Variants in ICA1 observed in about 807,000 individuals in gnomAD.
The protein encoded by ICA1 is 69 kDa islet cell autoantigen.
Under a neutral mutation model 71.0 loss-of-function variants are expected in ICA1, and 40 were observed. The observed-to-expected ratio is 0.56, with a 90% CI of 0.44 to 0.73. The LOEUF is 0.73. ICA1 is among the 30% of genes least tolerant of loss of function. The pLI is 0.00. For missense variants in ICA1, 578 were observed against 576.5 expected (o/e 1.00, Z -0.03); for synonymous variants, 207 against 209.5 (o/e 0.99, Z 0.10).
intron 8 of ICA1, among the ~76,000 whole-genome samples, chr7:8,150,649 A>G (rs188438687): frequency 2.8e-4 from 43 of 152,360 alleles, no homozygotes; most frequent in Middle Eastern, 6.8e-3. Flanking sequence ...CTTCAATATG[A>G]GGCGTTTGGG....
At chr7:8,117,693 C>T (rs903980946) in intron 13 of ICA1, among the ~76,000 whole-genome samples, 6 of 152,158 alleles carry the variant, frequency 3.9e-5, no homozygotes, top group African/African-American at 4.8e-5. Context: ...TATTGGCATA[C>T]TCTCGTCACA....
chr7:8,171,907 G>A (rs1341905936), intron 6 of ICA1, among the ~76,000 whole-genome samples: 1 of 151,836 alleles, frequency 6.6e-6, no homozygotes, highest in East Asian at 1.9e-4. Flanking sequence ...AATTATTCAG[G>A]GGATATTACA....
intron 5 of ICA1, 119 bp downstream of exon 5, chr7:8,221,156 G>T: frequency 8.5e-7 from 1 of 1,172,272 alleles, no homozygotes; most frequent in Non-Finnish European, 1.2e-6. Context: ...GTACAGAGCA[G>T]CTCCTCAGCC....
intron 13 of ICA1, among the ~76,000 whole-genome samples, chr7:8,117,282 C>T (rs1017885085): frequency 6.6e-6 from 1 of 152,086 alleles, no homozygotes; most frequent in African/African-American, 2.4e-5. Context: ...AGTGTGAAAA[C>T]GGCCTAATAC....
intron 6 of ICA1, among the ~76,000 whole-genome samples, chr7:8,208,113 T>C (rs17145039): frequency 0.029 from 4,484 of 152,322 alleles, 226 homozygotes; most frequent in African/African-American, 0.1. Flanking sequence ...AAGTTTTTCC[T>C]AAAGCAATTG....
chr7:8,219,490 C>A (rs1211805961), intron 5 of ICA1, among the ~76,000 whole-genome samples: 3 of 152,208 alleles, frequency 2.0e-5, no homozygotes, highest in Non-Finnish European at 4.4e-5. Flanking sequence ...ACAAATGGTG[C>A]AATGAACTAT....
In ICA1 at chr7:8,221,272, C is replaced by A. The variant is rs374549884; in HGVS notation, c.380+3G>T. On this transcript the variant is annotated splice_donor_region_variant and intron_variant, in intron 5 of 13. Coordinates refer to ENST00000402384, the MANE Select transcript of ICA1 (RefSeq NM_001136020.3). ...AGATAGAACCCCACTAAAGGCCACACACCTTTGCTGGGAAGAAAAGCAGAG... is the reference window on the plus strand; with the variant it reads ...AGATAGAACCCCACTAAAGGCCACAAACCTTTGCTGGGAAGAAAAGCAGAG... 6.2e-7 allele frequency: 1 copy of A among 1,613,470 alleles called. No individual in the cohort carries two copies. The highest frequency in any genetic ancestry group is 1.1e-5 in the South Asian group (1 of 91,068).
intron 1 of ICA1, among the ~76,000 whole-genome samples, chr7:8,250,197 G>A (rs1296229724): frequency 1.3e-5 from 2 of 152,160 alleles, no homozygotes; most frequent in Non-Finnish European, 1.5e-5. Flanking sequence ...GTTTGTCTCT[G>A]TCACTTCCTC....
At chr7:8,194,930 C>T (rs896030552) in intron 6 of ICA1, among the ~76,000 whole-genome samples, 3 of 151,930 alleles carry the variant, frequency 2.0e-5, no homozygotes, top group Non-Finnish European at 2.9e-5. Flanking sequence ...AATAATAAAG[C>T]ATTAAAAATT....
At chr7:8,119,871 C>G (rs187570251) in intron 13 of ICA1, among the ~76,000 whole-genome samples, 1 of 152,056 alleles carries the variant, frequency 6.6e-6, no homozygotes. Context: ...ATAAGAGGAC[C>G]CAGGAATACA....
intron 6 of ICA1, among the ~76,000 whole-genome samples, chr7:8,213,254 AG>A (rs1325009349): frequency 1.3e-5 from 2 of 152,258 alleles, no homozygotes; most frequent in African/African-American, 4.8e-5. Context: ...TAGAATTAGC[AG>A]AGGAAGAGCA....
chr7:8,261,065 G>A (rs977176428), intron 1 of ICA1, among the ~76,000 whole-genome samples: 20 of 152,290 alleles, frequency 1.3e-4, no homozygotes, highest in African/African-American at 4.8e-4. Context: ...GCAAGCTGGT[G>A]ACATATTTTC....
At chr7:8,245,524 G>A (rs564681226) in intron 1 of ICA1, among the ~76,000 whole-genome samples, 8 of 151,862 alleles carry the variant, frequency 5.3e-5, no homozygotes, top group East Asian at 1.9e-4. Context: ...GAGCCTGCAC[G>A]TTGTGCTCAT....
chr7:8,168,750 G>C (rs551321346), intron 6 of ICA1, among the ~76,000 whole-genome samples: 1 of 152,280 alleles, frequency 6.6e-6, no homozygotes, highest in South Asian at 2.1e-4. Context: ...ACTGTGGTCA[G>C]TGGATTCCCT....
chr7:8,211,696 T>C (rs1473749166), intron 6 of ICA1, among the ~76,000 whole-genome samples: 1 of 152,210 alleles, frequency 6.6e-6, no homozygotes, highest in East Asian at 1.9e-4. Context: ...ATGTGTTTCT[T>C]TTTACCACAA....
chr7:8,146,718 C>T (rs1269579692), intron 8 of ICA1, among the ~76,000 whole-genome samples: 17 of 145,076 alleles, frequency 1.2e-4, no homozygotes, highest in African/African-American at 4.2e-4. Context: ...AAGTCAGGCA[C>T]GTGTGTGCGT....
intron 6 of ICA1, among the ~76,000 whole-genome samples, chr7:8,179,001 C>T (rs535386116): frequency 1.6e-4 from 24 of 152,292 alleles, no homozygotes; most frequent in African/African-American, 5.8e-4. Context: ...ACAATGGAAT[C>T]TGAGCAGAAG....
intron 1 of ICA1, among the ~76,000 whole-genome samples, chr7:8,238,276 C>T (rs1415880126): frequency 1.3e-5 from 2 of 152,156 alleles, no homozygotes; most frequent in Non-Finnish European, 2.9e-5. Context: ...TGCAAGGGTC[C>T]CACTTTCTCC....
intron 6 of ICA1, among the ~76,000 whole-genome samples, chr7:8,190,508 T>A (rs1055260886): frequency 2.0e-5 from 3 of 152,254 alleles, no homozygotes; most frequent in Non-Finnish European, 4.4e-5. Flanking sequence ...CTGGACTTAA[T>A]GAAATGTGTT....
Sources: gnomAD v4.1 joint callset for allele counts (sites outside exome capture counted in the v4.1 genomes callset) on GRCh38, gnomAD v4.1.1 for gene constraint, MANE v1.5 for transcripts, NCBI Gene and HGNC (gene_info 2026-07-23, HGNC 2026-07-21) for gene names.